DOCK3: variants seen among roughly 807,000 people sequenced by gnomAD.
DOCK3 encodes dedicator of cytokinesis 3, also known as dedicator of cytokinesis protein 3.
DOCK3 carries 60 observed loss-of-function variants against 265.6 expected under a neutral mutation model. That is an observed-to-expected ratio of 0.23 (90% CI 0.18 to 0.28). The LOEUF is 0.28. DOCK3 is among the 10% of genes least tolerant of loss of function. The pLI is 1.00. For synonymous variants in DOCK3, 881 were observed against 938.0 expected (o/e 0.94, Z 1.11); for missense variants, 1,981 against 2,594.3 (o/e 0.76, Z 5.14).
At chr3:50,808,504 G>C (rs1559667023) in intron 2 of DOCK3, among the ~76,000 whole-genome samples, 2 of 152,292 alleles carry the variant, frequency 1.3e-5, no homozygotes, top group East Asian at 3.9e-4. Context: ...TACTGAAACA[G>C]AATAGAGGGG....
In DOCK3 at chr3:51,307,131, G is replaced by GT. The variant is rs1259388350; in HGVS notation, c.2923-3094dup. Among the ~76,000 whole-genome samples the GT allele has an allele frequency of 9.2e-5, 14 of 151,984 alleles. No individual in the cohort carries two copies. In the East Asian group the frequency reaches 1.2e-3, roughly 13 times the overall value. On this transcript the variant is annotated intron_variant, in intron 27 of 52. Transcript: ENST00000266037. ...ATTATTGGACTCATTGCTTTTTGGG[G>GT]TTTTTTTAGACAGGGTCTTGCTGTA...
In DOCK3 at chr3:51,362,586, G is replaced by A. The variant is rs369636952; in HGVS notation, c.5205G>A (p.Ser1735=). ...GSVTNVSVLS[S]SQASPSSSSL... ...TCACCAACGTCTCTGTTCTGTCCTC[G>A]TCCCAGGCAAGCCCTTCTTCCTCCA... The change falls in exon 49 of 53, where the codon TCG becomes TCA. Residue 1735 remains serine, a synonymous_variant. Coordinates refer to ENST00000266037, the MANE Select transcript of DOCK3 (RefSeq NM_004947.5). 4.6e-5 allele frequency: 74 copies of A among 1,613,774 alleles called. No individual in the cohort carries two copies. Among genetic ancestry groups the A allele is most frequent in the Middle Eastern group, 1.6e-4 (1 of 6,084 alleles).
intron 12 of DOCK3, among the ~76,000 whole-genome samples, chr3:51,195,031 T>A (rs2088195312): frequency 6.6e-6 from 1 of 152,082 alleles, no homozygotes; most frequent in Non-Finnish European, 1.5e-5. Flanking sequence ...TTCACCATGT[T>A]GGCCAGGATG....
chr3:51,321,934 A>G (rs2083757138), intron 32 of DOCK3, among the ~76,000 whole-genome samples: 1 of 152,230 alleles, frequency 6.6e-6, no homozygotes, highest in Non-Finnish European at 1.5e-5. Context: ...AACTTCCCCA[A>G]CCTAGCAAGA....
At chr3:51,279,900 C>T (rs868596042) in intron 26 of DOCK3, among the ~76,000 whole-genome samples, 2 of 152,192 alleles carry the variant, frequency 1.3e-5, no homozygotes, top group Non-Finnish European at 2.9e-5. Context: ...TTCAGTAGCC[C>T]CATGCTGCAG....
At chr3:51,247,285 A>G (rs1203848135) in intron 22 of DOCK3, among the ~76,000 whole-genome samples, 2 of 152,238 alleles carry the variant, frequency 1.3e-5, no homozygotes, top group African/African-American at 4.8e-5. Flanking sequence ...CTGTGGCCTT[A>G]GGAAGAACCT....
chr3:50,832,178 G>A (rs984418003), intron 2 of DOCK3, among the ~76,000 whole-genome samples: 1 of 152,100 alleles, frequency 6.6e-6, no homozygotes, highest in African/African-American at 2.4e-5. Flanking sequence ...GTAGAAACTG[G>A]ACCCCTTCTT....
intron 12 of DOCK3, among the ~76,000 whole-genome samples, chr3:51,196,006 G>A (rs2088273074): frequency 1.3e-5 from 2 of 151,926 alleles, no homozygotes; most frequent in Admixed American, 6.6e-5. Context: ...TGTAAATACA[G>A]CTCACTGCAG....
chr3:50,754,479 G>A (rs774759667), intron 1 of DOCK3, among the ~76,000 whole-genome samples: 5 of 151,678 alleles, frequency 3.3e-5, no homozygotes, highest in Non-Finnish European at 5.9e-5. Context: ...AAAATGTTGC[G>A]GGAACTGTAC....
At chr3:51,049,452 C>T (rs1004282253) in intron 5 of DOCK3, among the ~76,000 whole-genome samples, 1 of 152,114 alleles carries the variant, frequency 6.6e-6, no homozygotes, top group East Asian at 1.9e-4. Context: ...GATCAGGAGG[C>T]ATTATGCTGG....
At chr3:51,208,147 A>G (rs4367100) in intron 12 of DOCK3, among the ~76,000 whole-genome samples, 125,037 of 152,162 alleles carry the variant, frequency 0.82, 51,960 homozygotes, top group Middle Eastern at 0.9. Context: ...ATTCCTAGGA[A>G]GAAACTTTAT....
At chr3:50,927,718 T>TATA (rs2108101549) in intron 4 of DOCK3, among the ~76,000 whole-genome samples, 1 of 152,328 alleles carries the variant, frequency 6.6e-6, no homozygotes, top group South Asian at 2.1e-4. Flanking sequence ...GAAAGGAGCT[T>TATA]AGGTCATAGC....
At chr3:50,865,930 G>A (rs776066222) in intron 3 of DOCK3, among the ~76,000 whole-genome samples, 4 of 152,046 alleles carry the variant, frequency 2.6e-5, no homozygotes, top group Non-Finnish European at 4.4e-5. Context: ...TTCATATGCC[G>A]GTTTTGCAGT....
chr3:51,168,858 T>A (rs1001923148), intron 12 of DOCK3, among the ~76,000 whole-genome samples: 13 of 151,454 alleles, frequency 8.6e-5, no homozygotes, highest in Non-Finnish European at 1.8e-4. Context: ...AAAGGTCCAA[T>A]ATCTAGCATT....
intron 1 of DOCK3, among the ~76,000 whole-genome samples, chr3:50,693,012 C>T (rs192239340): frequency 6.6e-6 from 1 of 152,246 alleles, no homozygotes; most frequent in East Asian, 1.9e-4. Flanking sequence ...GGTCTTGGCA[C>T]CATGGTCGAG....
In DOCK3 at chr3:51,233,357, TC is replaced by T. The variant is rs1399356939; in HGVS notation, c.1918-2987del. Among the ~76,000 whole-genome samples, 62 of 10,556 alleles carry T rather than the reference TC, an allele frequency of 5.9e-3. 1 individual carries two copies. Among genetic ancestry groups the T allele is most frequent in the Admixed American group, 0.016 (38 of 2,324 alleles). 6.9% of individuals were successfully genotyped at this position (10,556 alleles called of 152,430 possible). A position where few individuals can be genotyped will look rare whatever the true frequency, so the allele number is the denominator to read the frequency against. On this transcript the variant is annotated intron_variant, in intron 19 of 52. Coordinates refer to ENST00000266037, the MANE Select transcript of DOCK3 (RefSeq NM_004947.5). ...ATCTATCTATCTATCTATCTATCTA[TC>T]TATTTATTTATTTATTTATTTATTT...
intron 3 of DOCK3, among the ~76,000 whole-genome samples, chr3:50,858,648 A>G (rs552923795): frequency 6.6e-6 from 1 of 152,176 alleles, no homozygotes. Flanking sequence ...CTTCTTATGT[A>G]GAATCTTGCA....
Position 51,146,529 on chromosome 3 carries a change from C to G in DOCK3, c.747-20C>G, listed in dbSNP as rs765862375. On this transcript the variant is annotated intron_variant, in intron 9 of 52. Transcript: ENST00000266037. ...GTGTGTTACTCACATTTCTCTATAT[C>G]TTTCTTTCCTACATTTCAGTGAGCG... 7.0e-6 allele frequency: 11 copies of G among 1,574,730 alleles called. No homozygotes were observed. The highest frequency in any genetic ancestry group is 8.6e-6 in the Non-Finnish European group (10 of 1,158,924).
chr3:50,944,917 G>A (rs772340531), intron 5 of DOCK3, among the ~76,000 whole-genome samples: 9 of 152,234 alleles, frequency 5.9e-5, no homozygotes, highest in Non-Finnish European at 8.8e-5. Flanking sequence ...CTGAGATCGC[G>A]TCATCACACT....
Sources: allele counts gnomAD v4.1 joint callset (sites outside exome capture counted in the v4.1 genomes callset), GRCh38; gene constraint gnomAD v4.1.1; transcripts MANE v1.5; gene names NCBI Gene and HGNC (gene_info 2026-07-23, HGNC 2026-07-21).